The following ZNF592 variants were observed in gnomAD, a reference collection of about 807,000 sequenced individuals.
ZNF592 encodes spinocerebellar ataxia, autosomal recessive 5.
ZNF592 carries 11 observed loss-of-function variants against 80.3 expected under a neutral mutation model. The observed-to-expected ratio is 0.14, with a 90% CI of 0.09 to 0.23. The LOEUF is 0.23. Ranked by LOEUF, ZNF592 falls within the 10% of genes least tolerant of loss-of-function variation. ZNF592 has a pLI of 1.00. For synonymous variants in ZNF592, 646 were observed against 640.3 expected, an observed-to-expected ratio of 1.01 and a Z score of -0.13; for missense variants, 1,420 against 1,633.9, an observed-to-expected ratio of 0.87 and a Z score of 2.26.
intron 3 of ZNF592, among the ~76,000 whole-genome samples, chr15:84,780,354 C>G (rs1200007064): frequency 6.6e-6 from 1 of 152,152 alleles, no homozygotes; most frequent in Non-Finnish European, 1.5e-5. Context: ...AAGCAAATAT[C>G]ATGCAGGAGT....
Position 84,783,564 on chromosome 15 carries a change from G to A in ZNF592, c.889G>A (p.Ala297Thr). 1 of 1,614,212 alleles carries A rather than the reference G, an allele frequency of 6.2e-7. No individual in the cohort carries two copies. The highest frequency in any genetic ancestry group is 8.5e-7 in the Non-Finnish European group (1 of 1,180,036). ...GGTGGCCTTGCAGGCCAAAAGAGTGGCTAGTGTCACTAAGGAGGATCAGCC... is the reference window on the plus strand; with the variant it reads ...GGTGGCCTTGCAGGCCAAAAGAGTGACTAGTGTCACTAAGGAGGATCAGCC... The part of the protein sequence containing the change: ...ALVALQAKRV[A>T]SVTKEDQPGH... The change falls in exon 4 of 11, where the codon GCT (alanine) becomes ACT (threonine). Residue 297 changes from alanine to threonine, a missense_variant. Physicochemically the swap from Ala to Thr is moderately conservative, Grantham distance 58. Transcript: ENST00000560079. The surrounding 1 kb of genome is among the most constrained non-coding windows in gnomAD (Gnocchi z 5.0).
chr15:84,776,509 A>G (rs1329730411), intron 2 of ZNF592, among the ~76,000 whole-genome samples: 1 of 152,248 alleles, frequency 6.6e-6, no homozygotes, highest in Non-Finnish European at 1.5e-5. Context: ...TAACCCCAGC[A>G]CTTTGGGAGG....
chr15:84,777,475 CAAA>C (rs549871970), intron 2 of ZNF592, among the ~76,000 whole-genome samples: 1 of 55,100 alleles, frequency 1.8e-5, no homozygotes. Context: ...GACTCCGTCT[CAAA>C]AAAAAAAAAA....
chr15:84,749,996 G>C (rs954824360), intron 1 of ZNF592, among the ~76,000 whole-genome samples: 1 of 152,236 alleles, frequency 6.6e-6, no homozygotes, highest in Non-Finnish European at 1.5e-5. Flanking sequence ...TAGCCATTGG[G>C]AAAGTCTAAT....
chr15:84,762,944 A>C (rs1899394482), intron 1 of ZNF592, among the ~76,000 whole-genome samples: 1 of 152,166 alleles, frequency 6.6e-6, no homozygotes, highest in Admixed American at 6.5e-5. Flanking sequence ...GTTCTAGAGC[A>C]ATGTTGTCTA....
At chr15:84,779,993 T>G (rs1380167764) in intron 3 of ZNF592, among the ~76,000 whole-genome samples, 4 of 150,506 alleles carry the variant, frequency 2.7e-5, no homozygotes, top group Non-Finnish European at 4.4e-5. Flanking sequence ...AGTTTTGTTT[T>G]TTTTTTTTTT....
intron 1 of ZNF592, among the ~76,000 whole-genome samples, chr15:84,757,347 T>A (rs1899205042): frequency 6.7e-6 from 1 of 150,012 alleles, no homozygotes; most frequent in South Asian, 2.1e-4. Context: ...TCCTTTTTTT[T>A]TTTTTTTTGA....
rs146017826 is a variant in ZNF592 at position 84,799,953 on chromosome 15, A to G, written c.3249A>G (p.Lys1083=). The G allele has an allele frequency of 9.4e-5, 152 of 1,613,514 alleles. No homozygotes were observed. The highest frequency in any genetic ancestry group is 1.6e-4 in the Middle Eastern group (1 of 6,084). ...ATTTGAGCCAGACGTCCAAAGTGAA[A>G]CCTCCGGGTGGACATTCCCCTCAGG... The part of the protein sequence containing the change: ...NPDLSQTSKV[K]PPGGHSPQVN... The change falls in exon 10 of 11, where the codon AAA becomes AAG. Residue 1083 remains lysine (K), a synonymous_variant. Transcript: ENST00000560079. The surrounding 1 kb of genome is among the most constrained non-coding windows in gnomAD (Gnocchi z 4.2).
chr15:84,796,221 C>CAAAAAAAAA (rs753718341), intron 5 of ZNF592, among the ~76,000 whole-genome samples: 1 of 25,432 alleles, frequency 3.9e-5, no homozygotes, highest in African/African-American at 1.4e-4. Context: ...GACTCTGTCT[C>CAAAAAAAAA]AAAAAAAAAA....
Position 84,783,595 on chromosome 15 carries a change from A to T in ZNF592, c.920A>T (p.His307Leu). 1.2e-6 allele frequency: 2 copies of T among 1,614,214 alleles called. No homozygotes were observed. The highest frequency in any genetic ancestry group is 1.7e-6 in the Non-Finnish European group (2 of 1,180,042). The stretch of plus-strand genomic sequence containing the variant: ...GTCACTAAGGAGGATCAGCCTGGCC[A>T]CACAAAGGATCTCTCAGGGCCCACT... ...ASVTKEDQPG[H>L]TKDLSGPTKE... The change falls in exon 4 of 11, where the codon CAC becomes CTC. Residue 307 changes from histidine (H) to leucine (L), a missense_variant. This residue lies in a region of ZNF592 where 373 missense variants were observed against 355.5 expected (regional missense o/e 1.05). Transcript: ENST00000560079. This position sits in a 1 kb window ranked among gnomAD's most constrained non-coding sequence, Gnocchi z 5.0.
chr15:84,790,723 A>G lies in ZNF592; in HGVS notation c.2239A>G (p.Met747Val). The G allele has an allele frequency of 6.2e-7, 1 of 1,614,168 alleles. No homozygotes were observed. ...TEGLTCQVCQ[M>V]LLPNQCSFCA... ...TTCCTAGACCTGCCAGGTATGCCAA[A>G]TGCTGCTGCCCAACCAGTGCAGTTT... The change falls in exon 5 of 11, where the codon ATG (methionine) becomes GTG (valine). Residue 747 changes from methionine to valine, a missense_variant. Transcript: ENST00000560079.
At position 84,783,143 on chromosome 15, in the gene ZNF592, C is replaced by T. The variant is rs371305645; in HGVS notation, c.468C>T (p.Asn156=). The change falls in exon 4 of 11, where the codon AAC becomes AAT. Residue 156 remains asparagine, a synonymous_variant. Transcript: ENST00000560079. This position sits in a 1 kb window ranked among gnomAD's most constrained non-coding sequence, Gnocchi z 5.0. ...AACCTGAGGATCCCATCAAAGATAA[C>T]GGATTTGGGATAAAGCCCAAACACT... is the stretch of plus-strand genomic sequence containing the variant. ...SPEPEDPIKD[N]GFGIKPKHSD... is the part of the protein sequence containing the mutation. 25 of 1,614,048 alleles carry T rather than the reference C, an allele frequency of 1.5e-5. No individual in the cohort carries two copies. Among genetic ancestry groups the T allele is most frequent in the East Asian group, 1.1e-4 (5 of 44,900 alleles).
In ZNF592 at chr15:84,798,657, A is replaced by G. The variant is rs1185445602; in HGVS notation, c.2806A>G (p.Ser936Gly). ...SLQSSADTSS[S>G]RPGSRVPTEP... is the part of the protein sequence containing the mutation. ...CCAGTCTTCAGCGGACACATCCTCA[A>G]GCCGCCCTGGCTCTCGAGTTCCCAC... The change falls in exon 8 of 11, where the codon AGC becomes GGC. Residue 936 changes from serine to glycine, a missense_variant. By Grantham distance (56) the Ser-to-Gly change is moderately conservative. Around this residue, in one of 7 missense-constraint regions of ZNF592, gnomAD observed 331 missense variants for 347.0 expected, o/e 0.95. Coordinates refer to ENST00000560079, the MANE Select transcript of ZNF592 (RefSeq NM_014630.3). This position sits in a 1 kb window ranked among gnomAD's most constrained non-coding sequence, Gnocchi z 4.5. The G allele has an allele frequency of 6.2e-7, 1 of 1,613,828 alleles. No individual in the cohort carries two copies. Among genetic ancestry groups the G allele is most frequent in the African/African-American group, 1.3e-5 (1 of 74,942 alleles).
At chr15:84,759,968 C>T (rs911502638) in intron 1 of ZNF592, among the ~76,000 whole-genome samples, 1 of 22,342 alleles carries the variant, frequency 4.5e-5, no homozygotes. Context: ...CCCCCCCCCA[C>T]CCTGCCATTT....
rs865901849 is a variant in ZNF592, at chr15:84,805,787, C to T, written c.*3394C>T. The T allele has an allele frequency of 6.6e-6, 1 of 152,516 alleles. No individual in the cohort carries two copies. The highest frequency in any genetic ancestry group is 1.5e-5 in the Non-Finnish European group (1 of 68,020). The allele number at this position is 152,516 out of a possible 1,614,324, so 9.4% of individuals were successfully genotyped here. ...TAATACATATACATGGTAAGACATTCCACAATACAAAAGGGTATACAATAA... is the reference window on the plus strand; with the variant it reads ...TAATACATATACATGGTAAGACATTTCACAATACAAAAGGGTATACAATAA... On this transcript the variant is annotated 3_prime_UTR_variant, in exon 11 of 11. Coordinates refer to ENST00000560079, the MANE Select transcript of ZNF592 (RefSeq NM_014630.3).
rs2241645 is a variant in ZNF592, at chr15:84,790,722, A to G, written c.2238A>G (p.Gln746=). 1,191,694 of 1,613,858 alleles carry G rather than the reference A, an allele frequency of 0.74. 441,694 individuals are homozygous for G. The highest frequency in any genetic ancestry group is 0.93 in the East Asian group (41,948 of 44,866). Residue 746 remains glutamine (Q), a synonymous_variant, in exon 5 of 11, where the codon CAA becomes CAG. Coordinates refer to ENST00000560079, the MANE Select transcript of ZNF592 (RefSeq NM_014630.3). ...TTTCCTAGACCTGCCAGGTATGCCAAATGCTGCTGCCCAACCAGTGCAGTT... is the reference window on the plus strand; with the variant it reads ...TTTCCTAGACCTGCCAGGTATGCCAGATGCTGCTGCCCAACCAGTGCAGTT... The part of the protein sequence containing the change: ...ETEGLTCQVC[Q]MLLPNQCSFC...
chr15:84,788,125 G>C (rs899927638), intron 4 of ZNF592, among the ~76,000 whole-genome samples: 1 of 152,040 alleles, frequency 6.6e-6, no homozygotes, highest in Non-Finnish European at 1.5e-5. Flanking sequence ...GGTCAGTTTT[G>C]ATGGAGGGTG....
At chr15:84,800,002 G>A (rs757146096) in intron 10 of ZNF592, 25 bp downstream of exon 10, 3 of 1,613,956 alleles carry the variant, frequency 1.9e-6, no homozygotes, top group Middle Eastern at 1.6e-4. Flanking sequence ...CCTGCCTATT[G>A]GAGCTGGCTG....
intron 5 of ZNF592, among the ~76,000 whole-genome samples, chr15:84,793,586 G>A (rs1364201493): frequency 6.6e-6 from 1 of 152,194 alleles, no homozygotes; most frequent in African/African-American, 2.4e-5. Context: ...GTTGAAGTCA[G>A]AAGACATACA....
Sources: gnomAD v4.1 joint callset for allele counts (sites outside exome capture counted in the v4.1 genomes callset) on GRCh38, gnomAD v4.1.1 for gene constraint, gnomAD v4.1.1 regional missense constraint, Gnocchi (gnomAD v3.1) non-coding constraint, MANE v1.5 for transcripts, NCBI Gene and HGNC (gene_info 2026-07-23, HGNC 2026-07-21) for gene names.